Variants in CELF2 observed in about 807,000 individuals in gnomAD.
CELF2 encodes the protein CUGBP Elav-like family member 2.
CELF2 carries 8 observed loss-of-function variants against 62.6 expected under a neutral mutation model. That is an observed-to-expected ratio of 0.13 (90% CI 0.07 to 0.23). CELF2 has a LOEUF of 0.23. CELF2 is among the 10% of genes least tolerant of loss of function. The pLI, the probability that CELF2 is intolerant of heterozygous loss-of-function variation, is 1.00. For missense variants in CELF2, 333 were observed against 671.0 expected (o/e 0.50, Z 5.56); for synonymous variants, 258 against 250.0 (o/e 1.03, Z -0.30).
intron 2 of CELF2, among the ~76,000 whole-genome samples, chr10:11,204,390 C>G (rs969156075): frequency 6.6e-6 from 1 of 152,146 alleles, no homozygotes. Flanking sequence ...CATTTTTACC[C>G]CTAGGAACCT....
the CELF2 span, among the ~76,000 whole-genome samples, chr10:10,696,081 C>T: frequency 6.6e-6 from 1 of 152,066 alleles, no homozygotes; most frequent in Non-Finnish European, 1.5e-5. Context: ...AGGAGAGGTG[C>T]TCTGCTTTTT....
At chr10:11,014,703 C>T (rs917624196), upstream of CELF2, among the ~76,000 whole-genome samples, 4 of 152,044 alleles carry the variant, frequency 2.6e-5, no homozygotes, top group Middle Eastern at 3.4e-3. Flanking sequence ...GGTTCGAAGA[C>T]GGAAGTGGAG....
the CELF2 span, among the ~76,000 whole-genome samples, chr10:10,584,781 G>C: frequency 6.6e-6 from 1 of 152,144 alleles, no homozygotes; most frequent in Non-Finnish European, 1.5e-5. Context: ...CAATGCAGTA[G>C]CCACACGAAA....
the CELF2 span, among the ~76,000 whole-genome samples, chr10:10,693,884 T>G: frequency 1.3e-5 from 2 of 152,074 alleles, no homozygotes; most frequent in African/African-American, 4.8e-5. Flanking sequence ...TTATTGCGTC[T>G]ATTTCATTCT....
At chr10:10,742,506 G>T in the CELF2 span, among the ~76,000 whole-genome samples, 1 of 151,422 alleles carries the variant, frequency 6.6e-6, no homozygotes, top group Non-Finnish European at 1.5e-5. Context: ...GTGCACGCTG[G>T]TGGTCCCAGC....
chr10:10,534,615 T>C, the CELF2 span, among the ~76,000 whole-genome samples: 1 of 152,230 alleles, frequency 6.6e-6, no homozygotes, highest in Non-Finnish European at 1.5e-5. Flanking sequence ...CAATTTCTCT[T>C]TCCTCACTTA....
rs1698138864 is a variant in CELF2, at chr10:11,011,353, C to T, written c.53+5913C>T. 6.7e-6 allele frequency among the ~76,000 whole-genome samples: 1 copy of T among 150,064 alleles called. No homozygotes were observed. The highest frequency in any genetic ancestry group is 2.5e-5 in the African/African-American group (1 of 40,610). On this transcript the variant is annotated intron_variant, in intron 1 of 12. Transcript: ENST00000416382. This position sits in a 1 kb window ranked among gnomAD's most constrained non-coding sequence, Gnocchi z 4.6. ...CAGTGAATGAGGAGGGGTCAAGTGG[C>T]GAGATGCAGAGACAGGGGAGTTGAG...
chr10:10,857,947 G>C (rs2059842233), intron 1 of CELF2, among the ~76,000 whole-genome samples: 1 of 151,576 alleles, frequency 6.6e-6, no homozygotes, highest in African/African-American at 2.4e-5. Context: ...TTAGTCACTA[G>C]ATGGGCTTAA....
At chr10:11,033,495 G>C (rs796487434) in intron 1 of CELF2, among the ~76,000 whole-genome samples, 26 of 152,266 alleles carry the variant, frequency 1.7e-4, no homozygotes, top group African/African-American at 5.8e-4. Flanking sequence ...GACCTCAGGT[G>C]ATCCGCCCAC....
intron 2 of CELF2, among the ~76,000 whole-genome samples, chr10:11,170,601 A>C (rs1168999393): frequency 1.3e-5 from 2 of 152,092 alleles, no homozygotes; most frequent in Non-Finnish European, 2.9e-5. Flanking sequence ...GGTAGCAGAT[A>C]TGCTAGGAAG....
chr10:10,672,396 T>A, the CELF2 span, among the ~76,000 whole-genome samples: 1 of 152,170 alleles, frequency 6.6e-6, no homozygotes, highest in Non-Finnish European at 1.5e-5. Context: ...CTATGTTACC[T>A]TCTAGGAGTT....
Position 11,223,132 on chromosome 10 carries a change from G to A in CELF2, c.354+5625G>A, listed in dbSNP as rs1046930592. On this transcript the variant is annotated intron_variant, in intron 3 of 12. Transcript: ENST00000633077. This position sits in a 1 kb window ranked among gnomAD's most constrained non-coding sequence, Gnocchi z 5.1. Reference sequence around the variant, plus strand: ...CTTTGTTTATGGGTGCTTTGAGTCCGGATCATGGCAGATTCATGGTGCGTG... The same window carrying A: ...CTTTGTTTATGGGTGCTTTGAGTCCAGATCATGGCAGATTCATGGTGCGTG... Among the ~76,000 whole-genome samples the A allele has an allele frequency of 4.6e-5, 7 of 152,194 alleles. No homozygotes were observed. The highest frequency in any genetic ancestry group is 2.6e-4 in the Admixed American group (4 of 15,286).
intron 2 of CELF2, among the ~76,000 whole-genome samples, chr10:10,954,242 T>G (rs2048651330): frequency 6.8e-6 from 1 of 147,422 alleles, no homozygotes; most frequent in Non-Finnish European, 1.5e-5. Context: ...ATTATTATTA[T>G]TATTATTATT....
intron 1 of CELF2, among the ~76,000 whole-genome samples, chr10:11,143,769 G>A (rs960801677): frequency 2.4e-4 from 36 of 152,156 alleles, no homozygotes; most frequent in African/African-American, 5.8e-4. Context: ...AAGCATCTAC[G>A]TTAGAAAGTC....
intron 1 of CELF2, among the ~76,000 whole-genome samples, chr10:11,091,783 A>G (rs955593695): frequency 6.6e-5 from 10 of 152,222 alleles, no homozygotes; most frequent in Non-Finnish European, 1.5e-4. Flanking sequence ...CTAAACATGA[A>G]CTTACCACTG....
chr10:11,058,461 G>GTTTTTTTTTTTTTTTTT (rs67113152), intron 1 of CELF2, among the ~76,000 whole-genome samples: 8 of 116,806 alleles, frequency 6.8e-5, no homozygotes, highest in Non-Finnish European at 8.5e-5. Flanking sequence ...TTTTTTGTTG[G>GTTTTTTTTTTTTTTTTT]TTTTTTTTTT....
chr10:10,875,986 A>T (rs548439665), intron 1 of CELF2, among the ~76,000 whole-genome samples: 1 of 152,294 alleles, frequency 6.6e-6, no homozygotes, highest in Non-Finnish European at 1.5e-5. Context: ...ACCTACAGGG[A>T]TTGTAAGTAC....
the CELF2 span, among the ~76,000 whole-genome samples, chr10:10,537,557 C>T: frequency 3.9e-5 from 6 of 152,096 alleles, no homozygotes; most frequent in Non-Finnish European, 5.9e-5. Context: ...TTAAAAAATA[C>T]TTCATAACGA....
At chr10:11,040,119 AG>A (rs2061569276) in intron 1 of CELF2, among the ~76,000 whole-genome samples, 1 of 152,226 alleles carries the variant, frequency 6.6e-6, no homozygotes, top group Admixed American at 6.5e-5. Flanking sequence ...TGATAAGGGA[AG>A]GTAGGACAGG....
Sources: gnomAD v4.1 joint callset for allele counts (sites outside exome capture counted in the v4.1 genomes callset) on GRCh38, gnomAD v4.1.1 for gene constraint, Gnocchi (gnomAD v3.1) non-coding constraint, MANE v1.5 for transcripts, NCBI Gene and HGNC (gene_info 2026-07-23, HGNC 2026-07-21) for gene names.